Variants in PALM2AKAP2 observed in about 807,000 individuals in gnomAD.
PALM2AKAP2 encodes PALM2 and AKAP2 fusion, also known as PALM2-AKAP2 fusion protein.
In PALM2AKAP2, 37 loss-of-function variants were observed where a neutral mutation model predicts 71.5. The ratio of observed to expected loss-of-function variants is 0.52; its 90% CI spans 0.40 to 0.68. The LOEUF (loss-of-function observed/expected upper bound fraction) is 0.68, where lower values mean the gene tolerates loss of function less well. PALM2AKAP2 is among the 30% of genes least tolerant of loss of function. The probability of loss-of-function intolerance (pLI) is 0.00; values close to 1 mark genes in which losing one functional copy is unlikely to be tolerated. For synonymous variants in PALM2AKAP2, 468 were observed against 478.8 expected (o/e 0.98, Z 0.29); for missense variants, 1,224 against 1,191.8 (o/e 1.03, Z -0.40).
intron 3 of PALM2AKAP2, among the ~76,000 whole-genome samples, chr9:110,158,546 C>T (rs567983900): frequency 3.3e-4 from 51 of 152,314 alleles, no homozygotes; most frequent in Admixed American, 1.8e-3. Context: ...TTTGTGCACA[C>T]GCTGACACTC....
At chr9:109,827,844 G>A (rs769875360) in intron 1 of PALM2AKAP2, among the ~76,000 whole-genome samples, 12 of 152,068 alleles carry the variant, frequency 7.9e-5, no homozygotes, top group East Asian at 3.9e-4. Context: ...GCAGCTTTAC[G>A]GTGTGTAAAA....
chr9:109,756,713 A>G (rs1288416466), intron 1 of PALM2AKAP2, among the ~76,000 whole-genome samples: 1 of 152,194 alleles, frequency 6.6e-6, no homozygotes, highest in Non-Finnish European at 1.5e-5. Context: ...TACTCTATGC[A>G]CTTTACTGGA....
At chr9:110,129,039 T>C (rs564236342) in intron 1 of PALM2AKAP2, among the ~76,000 whole-genome samples, 21 of 152,326 alleles carry the variant, frequency 1.4e-4, no homozygotes, top group South Asian at 8.3e-4. Context: ...CATAATGACA[T>C]GGACATGGGA....
intron 1 of PALM2AKAP2, among the ~76,000 whole-genome samples, chr9:110,116,974 C>A (rs1338395054): frequency 6.6e-6 from 1 of 152,114 alleles, no homozygotes; most frequent in Non-Finnish European, 1.5e-5. Flanking sequence ...TGAGCCCTGG[C>A]CGTTTAAAAG....
intron 2 of PALM2AKAP2, among the ~76,000 whole-genome samples, chr9:109,876,868 A>T (rs925806738): frequency 3.3e-5 from 5 of 151,948 alleles, no homozygotes; most frequent in African/African-American, 1.2e-4. Flanking sequence ...TCAAGAAAAG[A>T]GATGGAAGTA....
At chr9:109,994,369 G>C (rs1832535364) in intron 6 of PALM2AKAP2, among the ~76,000 whole-genome samples, 1 of 152,120 alleles carries the variant, frequency 6.6e-6, no homozygotes, top group Non-Finnish European at 1.5e-5. Context: ...TTCTGTAGTG[G>C]GTCCAGCCAA....
At chr9:109,752,452 A>T (rs1828899564) in intron 1 of PALM2AKAP2, among the ~76,000 whole-genome samples, 1 of 152,172 alleles carries the variant, frequency 6.6e-6, no homozygotes, top group African/African-American at 2.4e-5. Flanking sequence ...TTGGGTAGGA[A>T]GGAGATAAAT....
chr9:109,978,516 A>G (rs1832209966), intron 6 of PALM2AKAP2, among the ~76,000 whole-genome samples: 1 of 152,214 alleles, frequency 6.6e-6, no homozygotes. Flanking sequence ...AAGCTCCCTG[A>G]AAAGGAGCAT....
chr9:109,647,624 T>C (rs993818979), intron 1 of PALM2AKAP2, among the ~76,000 whole-genome samples: 2 of 152,176 alleles, frequency 1.3e-5, no homozygotes, highest in African/African-American at 4.8e-5. Context: ...TATATTCATA[T>C]TTGAATATTT....
intron 1 of PALM2AKAP2, among the ~76,000 whole-genome samples, chr9:110,092,750 C>G (rs1834743432): frequency 1.3e-5 from 2 of 152,164 alleles, no homozygotes; most frequent in Non-Finnish European, 2.9e-5. Flanking sequence ...CTCTCTTTCC[C>G]CACTCAGCTG....
chr9:109,857,150 C>A (rs778640843), intron 1 of PALM2AKAP2, among the ~76,000 whole-genome samples: 4 of 152,214 alleles, frequency 2.6e-5, no homozygotes, highest in Admixed American at 1.3e-4. Context: ...TCTGCCCCTT[C>A]CTCCTCCTGT....
chr9:109,658,471 G>C (rs1247980153), intron 1 of PALM2AKAP2, among the ~76,000 whole-genome samples: 1 of 152,078 alleles, frequency 6.6e-6, no homozygotes, highest in African/African-American at 2.4e-5. Context: ...AGGGAATTTA[G>C]GAATAATGAG....
intron 6 of PALM2AKAP2, among the ~76,000 whole-genome samples, chr9:109,981,713 ACAT>A (rs1832275157): frequency 6.6e-6 from 1 of 152,214 alleles, no homozygotes; most frequent in Admixed American, 6.5e-5. Context: ...AAGGTGCTCA[ACAT>A]CATTGATGAT....
At chr9:109,842,888 C>T (rs1828739625) in intron 1 of PALM2AKAP2, among the ~76,000 whole-genome samples, 1 of 151,976 alleles carries the variant, frequency 6.6e-6, no homozygotes, top group Non-Finnish European at 1.5e-5. Context: ...CGCCTGTAAT[C>T]CCAGCACTTT....
intron 5 of PALM2AKAP2, 137 bp downstream of exon 5, chr9:109,925,219 G>T: frequency 7.5e-7 from 1 of 1,335,778 alleles, no homozygotes; most frequent in Non-Finnish European, 1.0e-6. Flanking sequence ...GCTGGTTGCA[G>T]GCCACTGAGG....
At chr9:109,917,967 G>A (rs1226769101) in intron 3 of PALM2AKAP2, among the ~76,000 whole-genome samples, 1 of 152,136 alleles carries the variant, frequency 6.6e-6, no homozygotes, top group Non-Finnish European at 1.5e-5. Context: ...TGTTAGTTTG[G>A]AAGAGGGGGA....
At chr9:109,827,099 G>C (rs1323409382) in intron 1 of PALM2AKAP2, among the ~76,000 whole-genome samples, 2 of 152,116 alleles carry the variant, frequency 1.3e-5, no homozygotes, top group African/African-American at 4.8e-5. Flanking sequence ...ATTAGTCTGA[G>C]GACTCTAATT....
At chr9:110,150,273 G>A (rs1187410215) in intron 2 of PALM2AKAP2, among the ~76,000 whole-genome samples, 2 of 152,220 alleles carry the variant, frequency 1.3e-5, no homozygotes, top group Non-Finnish European at 2.9e-5. Context: ...AGTGCGTGTT[G>A]TTCAAACCAT....
chr9:109,856,133 G>C (rs561739793), intron 1 of PALM2AKAP2, among the ~76,000 whole-genome samples: 1 of 152,152 alleles, frequency 6.6e-6, no homozygotes, highest in African/African-American at 2.4e-5. Flanking sequence ...AGAGCAATTT[G>C]TCCCTATTAG....
Sources: allele counts gnomAD v4.1 joint callset (sites outside exome capture counted in the v4.1 genomes callset), GRCh38; gene constraint gnomAD v4.1.1; transcripts MANE v1.5; gene names NCBI Gene and HGNC (gene_info 2026-07-23, HGNC 2026-07-21).